Variants in DPYD observed in about 807,000 individuals in gnomAD.
The protein encoded by DPYD is dihydropyrimidine dehydrogenase [NADP(+)].
Under a neutral mutation model 116.2 loss-of-function variants are expected in DPYD, and 109 were observed. The ratio of observed to expected loss-of-function variants is 0.94; its 90% CI spans 0.80 to 1.10. The LOEUF is 1.10. Ranked by LOEUF, DPYD falls within the 50% of genes least tolerant of loss-of-function variation. DPYD has a pLI of 0.00. For synonymous variants in DPYD, 440 were observed against 432.0 expected, an observed-to-expected ratio of 1.02 and a Z score of -0.23; for missense variants, 1,302 against 1,254.5, an observed-to-expected ratio of 1.04 and a Z score of -0.57.
intron 11 of DPYD, among the ~76,000 whole-genome samples, chr1:97,570,695 T>C (rs1447395248): frequency 1.3e-5 from 2 of 151,934 alleles, no homozygotes; most frequent in Non-Finnish European, 2.9e-5. Context: ...AGATCTGTTT[T>C]AGGTAAATCT....
chr1:97,403,203 T>A (rs1570676527), intron 14 of DPYD, among the ~76,000 whole-genome samples: 1 of 152,064 alleles, frequency 6.6e-6, no homozygotes, highest in African/African-American at 2.4e-5. Context: ...GAAAATATTG[T>A]TAAGTCAAAA....
In DPYD at chr1:97,169,631, C is replaced by T. The variant is rs1178403104; in HGVS notation, c.2622+23438G>A. ...GCGATCTCAGCTCACTGCAAAAATA[C>T]TTCCACACTTTCCTCTTTTAATAGA... On this transcript the variant is annotated intron_variant, in intron 20 of 22. Coordinates refer to ENST00000370192, the MANE Select transcript of DPYD (RefSeq NM_000110.4). 2.0e-5 allele frequency among the ~76,000 whole-genome samples: 3 copies of T among 151,516 alleles called. No homozygotes were observed. The Admixed American group carries it at 2.0e-4, about 10-fold the overall frequency.
At chr1:97,847,550 G>A (rs1289093505) in intron 2 of DPYD, among the ~76,000 whole-genome samples, 2 of 152,228 alleles carry the variant, frequency 1.3e-5, no homozygotes, top group East Asian at 3.9e-4. Context: ...AATTTTATCT[G>A]CTTAAATGAA....
intron 20 of DPYD, among the ~76,000 whole-genome samples, chr1:97,189,761 A>C (rs367693507): frequency 1.1e-3 from 172 of 152,304 alleles, no homozygotes; most frequent in African/African-American, 3.9e-3. Context: ...TTTGGATTTT[A>C]GAAATGTAAA....
chr1:97,886,961 T>G (rs928056835), intron 1 of DPYD, among the ~76,000 whole-genome samples: 1 of 151,916 alleles, frequency 6.6e-6, no homozygotes, highest in African/African-American at 2.4e-5. Flanking sequence ...ACAACTCATA[T>G]TCCACAGCAA....
chr1:97,472,230 C>G (rs1343127977), intron 13 of DPYD, among the ~76,000 whole-genome samples: 1 of 152,204 alleles, frequency 6.6e-6, no homozygotes, highest in Non-Finnish European at 1.5e-5. Flanking sequence ...AATTGCCAGT[C>G]TCTGAAGAGT....
chr1:97,826,514 T>C (rs1280045451), intron 3 of DPYD, among the ~76,000 whole-genome samples: 4 of 152,122 alleles, frequency 2.6e-5, no homozygotes, highest in African/African-American at 7.2e-5. Context: ...TCAAAATAAA[T>C]AGATATAAAA....
At chr1:97,331,704 T>C (rs992603238) in intron 16 of DPYD, among the ~76,000 whole-genome samples, 5 of 152,202 alleles carry the variant, frequency 3.3e-5, no homozygotes, top group African/African-American at 7.2e-5. Context: ...TATTATAACA[T>C]TTAGCTTTTG....
intron 20 of DPYD, among the ~76,000 whole-genome samples, chr1:97,147,243 G>T (rs968592603): frequency 8.5e-5 from 13 of 152,154 alleles, no homozygotes; most frequent in Non-Finnish European, 1.8e-4. Flanking sequence ...CTACTCAGGA[G>T]GCTGAGGCAG....
chr1:97,319,622 C>G (rs1157668409), intron 16 of DPYD, among the ~76,000 whole-genome samples: 1 of 125,920 alleles, frequency 7.9e-6, no homozygotes, highest in African/African-American at 3.1e-5. Flanking sequence ...TCCAGGACCA[C>G]ATGGATTCAC....
chr1:97,627,835 T>C (rs1249515910), intron 8 of DPYD, among the ~76,000 whole-genome samples: 2 of 151,416 alleles, frequency 1.3e-5, no homozygotes, highest in Non-Finnish European at 2.9e-5. Flanking sequence ...TAATATTATA[T>C]AAAACACATA....
At chr1:97,617,364 G>A (rs1284460360) in intron 8 of DPYD, among the ~76,000 whole-genome samples, 1 of 152,134 alleles carries the variant, frequency 6.6e-6, no homozygotes, top group African/African-American at 2.4e-5. Context: ...TTTTACAAGA[G>A]TTACAAAACA....
chr1:97,227,323 C>T (rs1235028058), intron 19 of DPYD, among the ~76,000 whole-genome samples: 6 of 80,862 alleles, frequency 7.4e-5, no homozygotes. Flanking sequence ...CAGAGTGAGA[C>T]TCTATCTCAA....
intron 20 of DPYD, among the ~76,000 whole-genome samples, chr1:97,145,715 C>T (rs1654567215): frequency 6.6e-6 from 1 of 150,646 alleles, no homozygotes. Context: ...GTAAAACAAA[C>T]CACAGAGTAC....
intron 2 of DPYD, among the ~76,000 whole-genome samples, chr1:97,862,412 G>GA (rs985955135): frequency 5.9e-5 from 9 of 151,668 alleles, no homozygotes; most frequent in African/African-American, 1.2e-4. Flanking sequence ...AAAGCATAGA[G>GA]AAAAAATATA....
At chr1:97,156,105 T>C (rs1400460946) in intron 20 of DPYD, among the ~76,000 whole-genome samples, 2 of 152,196 alleles carry the variant, frequency 1.3e-5, no homozygotes, top group East Asian at 1.9e-4. Context: ...TTTCAAATAA[T>C]GTTTTAAATA....
rs767818267 is a variant in DPYD, at chr1:97,828,138, C to T, written c.209G>A (p.Arg70Gln). 4.3e-6 allele frequency: 7 copies of T among 1,613,604 alleles called. No individual in the cohort carries two copies. The highest frequency in any genetic ancestry group is 1.7e-5 in the Admixed American group (1 of 59,978). Reference sequence around the variant, plus strand: ...CCTCATTGCTTCTCGGAGAGCTCCTCGCTCACCAAGAGTCGTGTGCTTGAT... The same window carrying T: ...CCTCATTGCTTCTCGGAGAGCTCCTTGCTCACCAAGAGTCGTGTGCTTGAT... ...DDIKHTTLGERGALREAMRCL... is the reference protein window; with the variant it reads ...DDIKHTTLGEQGALREAMRCL... The change falls in exon 3 of 23, where the codon CGA becomes CAA. Residue 70 changes from arginine (R) to glutamine (Q), a missense_variant. By Grantham distance (43) the Arg-to-Gln change is conservative. Transcript: ENST00000370192.
At chr1:97,543,671 C>A (rs1480051290) in intron 12 of DPYD, among the ~76,000 whole-genome samples, 1 of 151,470 alleles carries the variant, frequency 6.6e-6, no homozygotes, top group Non-Finnish European at 1.5e-5. Flanking sequence ...TGTGAGAAAA[C>A]AATATTATAT....
chr1:97,114,577 G>C (rs1651833287), intron 20 of DPYD, among the ~76,000 whole-genome samples: 1 of 152,124 alleles, frequency 6.6e-6, no homozygotes, highest in African/African-American at 2.4e-5. Flanking sequence ...CTGTTGATCA[G>C]TGTGCAGGGG....
Sources: gnomAD v4.1 joint callset for allele counts (sites outside exome capture counted in the v4.1 genomes callset) on GRCh38, gnomAD v4.1.1 for gene constraint, MANE v1.5 for transcripts, NCBI Gene and HGNC (gene_info 2026-07-23, HGNC 2026-07-21) for gene names.